The following ALDH1A3 variants were observed in gnomAD, a reference collection of about 807,000 sequenced individuals.
The protein encoded by ALDH1A3 is retinaldehyde dehydrogenase 3.
ALDH1A3 carries 28 observed loss-of-function variants against 57.5 expected under a neutral mutation model. That is an observed-to-expected ratio of 0.49 (90% CI 0.36 to 0.67). The LOEUF is 0.67. Ranked by LOEUF, ALDH1A3 falls within the 30% of genes least tolerant of loss-of-function variation. The pLI is 0.00. For synonymous variants in ALDH1A3, 281 were observed against 264.8 expected (o/e 1.06, Z -0.59); for missense variants, 507 against 669.4 (o/e 0.76, Z 2.68).
intron 12 of ALDH1A3, among the ~76,000 whole-genome samples, chr15:100,909,454 CA>C (rs1251390480): frequency 8.7e-6 from 1 of 114,758 alleles, no homozygotes. Flanking sequence ...AACCCCTCCA[CA>C]TGTGTGTGCA....
intron 1 of ALDH1A3, 117 bp downstream of exon 1, chr15:100,880,123 C>A (rs1044879501): frequency 1.6e-6 from 1 of 639,648 alleles, no homozygotes; most frequent in Non-Finnish European, 2.2e-6. Flanking sequence ...CCGCCGAGAC[C>A]CGAGCCTCCC....
chr15:100,892,332 A>T, intron 3 of ALDH1A3, 178 bp from the exon 4 acceptor site: 1 of 792,848 alleles, frequency 1.3e-6, no homozygotes, highest in Non-Finnish European at 1.9e-6. Flanking sequence ...CCTCACACTC[A>T]GAGACAGGCC....
chr15:100,884,373 T>G (rs1017715888), intron 1 of ALDH1A3, among the ~76,000 whole-genome samples: 3 of 152,238 alleles, frequency 2.0e-5, no homozygotes, highest in African/African-American at 7.2e-5. Context: ...CTGCTCATGA[T>G]GTCTTTTGTC....
chr15:100,908,299 A>T, intron 11 of ALDH1A3, 109 bp from the exon 12 acceptor site: 1 of 894,796 alleles, frequency 1.1e-6, no homozygotes, highest in Non-Finnish European at 1.7e-6. Context: ...AGCTTTGGCA[A>T]AAGACTGTTT....
intron 8 of ALDH1A3, among the ~76,000 whole-genome samples, chr15:100,900,117 T>C (rs2041751620): frequency 1.3e-5 from 2 of 152,238 alleles, no homozygotes; most frequent in Admixed American, 1.3e-4. Flanking sequence ...GTCACACACA[T>C]GATATTATCT....
rs1596139333 is a variant in ALDH1A3, at chr15:100,916,016, T to TAAC, written c.*1244_*1245insACA. ...AAAAACAAATGTGTTATCCGACGGA[T>TAAC]ACTTTTATGGTTACTAACTAGTACT... On this transcript the variant is annotated 3_prime_UTR_variant, in exon 13 of 13. Coordinates refer to ENST00000329841, the MANE Select transcript of ALDH1A3 (RefSeq NM_000693.4). The TAAC allele has an allele frequency of 1.3e-5, 2 of 152,260 alleles. No individual in the cohort carries two copies. Among genetic ancestry groups the TAAC allele is most frequent in the Non-Finnish European group, 2.9e-5 (2 of 68,044 alleles). The allele number at this position is 152,260 out of a possible 1,614,324, so 9.4% of individuals were successfully genotyped here.
In ALDH1A3 at chr15:100,893,020, C is replaced by A; in HGVS notation, c.537+14C>A. 1 of 1,611,660 alleles carries A rather than the reference C, an allele frequency of 6.2e-7. No individual in the cohort carries two copies. The highest frequency in any genetic ancestry group is 8.5e-7 in the Non-Finnish European group (1 of 1,178,380). Reference sequence around the variant, plus strand: ...GCCATCACTCCAGTAAGTATGGCAGCCTTTCTCAGTAGATTCTATGTAGAT... The same window carrying A: ...GCCATCACTCCAGTAAGTATGGCAGACTTTCTCAGTAGATTCTATGTAGAT... On this transcript the variant is annotated intron_variant, in intron 5 of 12. Coordinates refer to ENST00000329841, the MANE Select transcript of ALDH1A3 (RefSeq NM_000693.4). The surrounding 1 kb of genome is among the most constrained non-coding windows in gnomAD (Gnocchi z 4.8).
intron 9 of ALDH1A3, among the ~76,000 whole-genome samples, chr15:100,901,306 C>T (rs551770303): frequency 1.4e-4 from 22 of 152,208 alleles, no homozygotes; most frequent in African/African-American, 4.3e-4. Context: ...CTCTTTAAAA[C>T]GGCACATCCT....
chr15:100,909,497 CCA>C (rs758078291), intron 12 of ALDH1A3, among the ~76,000 whole-genome samples: 5 of 49,170 alleles, frequency 1.0e-4, no homozygotes, highest in African/African-American at 3.0e-4. Flanking sequence ...ACTGCAAACC[CCA>C]GTGTGTGCAA....
intron 12 of ALDH1A3, chr15:100,913,402 T>C (rs1001902065): frequency 3.9e-5 from 6 of 152,202 alleles, no homozygotes; most frequent in Non-Finnish European, 7.3e-5. Flanking sequence ...GCCTTTTCCA[T>C]CCTCTAGAGG....
chr15:100,896,347 T>C (rs2041703507), intron 7 of ALDH1A3, among the ~76,000 whole-genome samples: 1 of 151,396 alleles, frequency 6.6e-6, no homozygotes, highest in Non-Finnish European at 1.5e-5. Flanking sequence ...CAGAGAAAAA[T>C]AGTCGTGATG....
At position 100,900,654 on chromosome 15, in the gene ALDH1A3, C is replaced by G; in HGVS notation, c.963C>G (p.Phe321Leu). The stretch of plus-strand genomic sequence containing the variant: ...GTTGCACGGCAGCCTCCAGGGTGTT[C>G]GTGGAGGAGCAGGTCTACTCTGAGT... ...GQCCTAASRV[F>L]VEEQVYSEFV... The change falls in exon 9 of 13, where the codon TTC (phenylalanine) becomes TTG (leucine). Residue 321 changes from phenylalanine (F) to leucine (L), a missense_variant. Phe to Leu is a conservative substitution (Grantham distance 22). Transcript: ENST00000329841. The G allele has an allele frequency of 6.2e-7, 1 of 1,613,618 alleles. No individual in the cohort carries two copies.
At chr15:100,895,600 T>G in intron 6 of ALDH1A3, 2 of 338,498 alleles carry the variant, frequency 5.9e-6, no homozygotes, top group African/African-American at 2.0e-5. Flanking sequence ...ACACCCCACA[T>G]GGAAAGGTGC....
Position 100,914,839 on chromosome 15 carries a change from G to A in ALDH1A3, c.*66G>A, listed in dbSNP as rs1015969538. 6.7e-7 allele frequency: 1 copy of A among 1,489,382 alleles called. No individual in the cohort carries two copies. The highest frequency in any genetic ancestry group is 1.4e-5 in the African/African-American group (1 of 72,164). 92.3% of individuals were successfully genotyped at this position (1,489,382 alleles called of 1,614,324 possible). ...ATGTGGCAGATGAAATGTGCTGGAG[G>A]AAAAAAATGACATTTCTGACCTTCC... is the stretch of plus-strand genomic sequence containing the variant. On this transcript the variant is annotated 3_prime_UTR_variant, in exon 13 of 13. Coordinates refer to ENST00000329841, the MANE Select transcript of ALDH1A3 (RefSeq NM_000693.4).
chr15:100,897,201 C>T (rs2041713547), intron 7 of ALDH1A3, among the ~76,000 whole-genome samples: 1 of 152,238 alleles, frequency 6.6e-6, no homozygotes, highest in Non-Finnish European at 1.5e-5. Flanking sequence ...TCAGCCATCA[C>T]CCATGAGCTT....
Position 100,893,808 on chromosome 15 carries a change from CT to C in ALDH1A3, c.538-145del. 1 of 1,097,434 alleles carries C rather than the reference CT, an allele frequency of 9.1e-7. No homozygotes were observed. Among genetic ancestry groups the C allele is most frequent in the Non-Finnish European group, 1.3e-6 (1 of 774,520 alleles). The allele number at this position is 1,097,434 out of a possible 1,614,324, so 68.0% of individuals were successfully genotyped here. On this transcript the variant is annotated intron_variant, in intron 5 of 12. Transcript: ENST00000329841. The surrounding 1 kb of genome is among the most constrained non-coding windows in gnomAD (Gnocchi z 4.8). Reference sequence around the variant, plus strand: ...GGAAGTGCTGTGCAGGATTGCAGTTCTGATCATTGCACACTCCTATGTTACC... The same window carrying C: ...GGAAGTGCTGTGCAGGATTGCAGTTCGATCATTGCACACTCCTATGTTACC...
At chr15:100,900,905 T>C in intron 9 of ALDH1A3, 146 bp downstream of exon 9, 1 of 909,516 alleles carries the variant, frequency 1.1e-6, no homozygotes, top group South Asian at 1.8e-5. Context: ...TAGAAACTGA[T>C]CAGAAACACA....
In ALDH1A3 at chr15:100,915,142, TG is replaced by T; in HGVS notation, c.*372del. 4.4e-6 allele frequency: 1 copy of T among 228,062 alleles called. No homozygotes were observed. The highest frequency in any genetic ancestry group is 4.9e-5 in the Admixed American group (1 of 20,350). 14.1% of individuals were successfully genotyped at this position (228,062 alleles called of 1,614,324 possible). A position where few individuals can be genotyped will look rare whatever the true frequency, so the allele number is the denominator to read the frequency against. On this transcript the variant is annotated 3_prime_UTR_variant, in exon 13 of 13. Coordinates refer to ENST00000329841, the MANE Select transcript of ALDH1A3 (RefSeq NM_000693.4). ...GCCGAATCTGACTCCAGTAAGAATG[TG>T]GGAAAACCCCCTGTGTGTTCTGCAA... is the stretch of plus-strand genomic sequence containing the variant.
chr15:100,908,109 G>A (rs1207962458), intron 11 of ALDH1A3, among the ~76,000 whole-genome samples: 2 of 151,926 alleles, frequency 1.3e-5, no homozygotes, highest in East Asian at 1.9e-4. Context: ...TCAGCCTCCC[G>A]AAGTGCTGGG....
Sources: gnomAD v4.1 joint callset for allele counts (sites outside exome capture counted in the v4.1 genomes callset) on GRCh38, gnomAD v4.1.1 for gene constraint, Gnocchi (gnomAD v3.1) non-coding constraint, MANE v1.5 for transcripts, NCBI Gene and HGNC (gene_info 2026-07-23, HGNC 2026-07-21) for gene names.